The following TMPRSS6 variants were observed in gnomAD, a reference collection of about 807,000 sequenced individuals.
TMPRSS6 encodes the protein transmembrane protease serine 6.
Under a neutral mutation model 101.5 loss-of-function variants are expected in TMPRSS6, and 67 were observed. The observed-to-expected ratio is 0.66, with a 90% CI of 0.54 to 0.81. The LOEUF (loss-of-function observed/expected upper bound fraction) is 0.81, where lower values mean the gene tolerates loss of function less well. Among genes scored for constraint, TMPRSS6 ranks in the 30% least tolerant of loss-of-function variants. The probability of loss-of-function intolerance (pLI) is 0.00; values close to 1 mark genes in which losing one functional copy is unlikely to be tolerated. For synonymous variants in TMPRSS6, 453 were observed against 464.9 expected, an observed-to-expected ratio of 0.97 and a Z score of 0.33; for missense variants, 1,034 against 1,088.7, an observed-to-expected ratio of 0.95 and a Z score of 0.71.
chr22:37,068,035 A>G lies in TMPRSS6; in HGVS notation c.2113+1038T>C, dbSNP rs542364563. Among the ~76,000 whole-genome samples the G allele has an allele frequency of 6.0e-5, 9 of 151,170 alleles. No homozygotes were observed. The East Asian group carries it at 1.4e-3, about 23-fold the overall frequency. ...CATCTTCCAGGCCTCAGCTTAAACA[A>G]CCCTCCCCTGGAAGCCTCCCCTGAC... On this transcript the variant is annotated intron_variant, in intron 16 of 17. Transcript: ENST00000676104.
intron 10 of TMPRSS6, 151 bp from the exon 11 acceptor site, chr22:37,075,431 C>G: frequency 1.9e-6 from 2 of 1,026,902 alleles, no homozygotes; most frequent in Non-Finnish European, 2.8e-6. Flanking sequence ...GATGAGTGCA[C>G]CCCCAGAGTC....
At chr22:37,102,408 T>G (rs1481912714) in intron 2 of TMPRSS6, among the ~76,000 whole-genome samples, 7 of 152,202 alleles carry the variant, frequency 4.6e-5, no homozygotes, top group African/African-American at 1.7e-4. Flanking sequence ...CAGTGTACAG[T>G]GTAGAGGCAC....
rs202025212 is a variant in TMPRSS6 at position 37,066,958 on chromosome 22, G to A, written c.2118C>T (p.Pro706=). The change falls in exon 17 of 18, where the codon CCC becomes CCT. Residue 706 remains proline (P), a synonymous_variant. Coordinates refer to ENST00000676104, the MANE Select transcript of TMPRSS6 (RefSeq NM_001374504.1). ...TGWGALREGG[P]ISNALQKVDV... ...CCACTTTCTGCAGAGCGTTGCTGAT[G>A]GGGCCTGTCCGTGGTCAAGGGCAGA... 4 of 1,614,164 alleles carry A rather than the reference G, an allele frequency of 2.5e-6. No homozygotes were observed. In the African/African-American group the frequency reaches 5.3e-5, roughly 22 times the overall value.
Position 37,073,565 on chromosome 22 carries a change from G to A in TMPRSS6, c.1522C>T (p.Leu508Phe). The A allele has an allele frequency of 1.2e-6, 2 of 1,614,076 alleles. No individual in the cohort carries two copies. Among genetic ancestry groups the A allele is most frequent in the Non-Finnish European group, 1.7e-6 (2 of 1,179,934 alleles). ...CACTGCTCTTCGTCGCTGCCGTTGAGACAATCAGGCTGCCCATCACAGACC... is the reference window on the plus strand; with the variant it reads ...CACTGCTCTTCGTCGCTGCCGTTGAAACAATCAGGCTGCCCATCACAGACC... ...PKVCDGQPDC[L>F]NGSDEEQCQE... The change falls in exon 13 of 18, where the codon CTC (leucine) becomes TTC (phenylalanine). Residue 508 changes from leucine to phenylalanine, a missense_variant. By Grantham distance (22) the Leu-to-Phe change is conservative (BLOSUM62 0). Coordinates refer to ENST00000676104, the MANE Select transcript of TMPRSS6 (RefSeq NM_001374504.1).
At chr22:37,086,170 C>T in intron 8 of TMPRSS6, 113 bp downstream of exon 8, 4 of 1,451,420 alleles carry the variant, frequency 2.8e-6, no homozygotes, top group South Asian at 2.4e-5. Context: ...AGAATCTTCC[C>T]TCTCCCCATC....
chr22:37,075,342 ACAG>A (rs1927541706), intron 10 of TMPRSS6, 62 bp from the exon 11 acceptor site: 7 of 1,605,926 alleles, frequency 4.4e-6, no homozygotes, highest in Admixed American at 1.7e-5. Context: ...CCGTGCACAG[ACAG>A]AGCAAGGACA....
At position 37,089,767 on chromosome 22, in the gene TMPRSS6, C is replaced by A; in HGVS notation, c.647G>T (p.Ser216Ile). The change falls in exon 7 of 18, where the codon AGC (serine) becomes ATC (isoleucine). Residue 216 changes from serine (S) to isoleucine (I), a missense_variant. Ser to Ile is a moderately radical substitution (Grantham distance 142). Transcript: ENST00000676104. ...GAGGACCTGGCCCTGGCCCACGTAG[C>A]TGTAGCGGTAACAACCTGGAGCGGG... ...LNSTLGCYRY[S>I]YVGQGQVLRL... 1.2e-6 allele frequency: 2 copies of A among 1,612,340 alleles called. No individual in the cohort carries two copies. Among genetic ancestry groups the A allele is most frequent in the Non-Finnish European group, 1.7e-6 (2 of 1,179,716 alleles).
intron 8 of TMPRSS6, among the ~76,000 whole-genome samples, chr22:37,086,053 A>G (rs1178282254): frequency 6.9e-6 from 1 of 144,192 alleles, no homozygotes; most frequent in Non-Finnish European, 1.5e-5. Context: ...CCAGGAAGAC[A>G]GAGACTGCGA....
In TMPRSS6 at chr22:37,101,950, C is replaced by T. The variant is rs1930349681; in HGVS notation, c.202+1266G>A. On this transcript the variant is annotated intron_variant, in intron 2 of 17. Transcript: ENST00000676104. The surrounding 1 kb of genome is among the most constrained non-coding windows in gnomAD (Gnocchi z 4.1). ...GGCGTCTACTGCCTGCGTTGCTCAA[C>T]TCTGGGTAGAATCACTATAAGTCAT... Among the ~76,000 whole-genome samples the T allele has an allele frequency of 6.6e-6, 1 of 152,206 alleles. No individual in the cohort carries two copies. The highest frequency in any genetic ancestry group is 1.5e-5 in the Non-Finnish European group (1 of 68,026).
intron 13 of TMPRSS6, among the ~76,000 whole-genome samples, chr22:37,071,998 TG>T (rs1926971774): frequency 6.8e-6 from 1 of 147,656 alleles, no homozygotes; most frequent in South Asian, 2.2e-4. Context: ...GGATGATGGA[TG>T]GGTGCATGGA....
upstream of TMPRSS6, among the ~76,000 whole-genome samples, chr22:37,110,039 C>T (rs1450292198): frequency 1.3e-5 from 2 of 151,662 alleles, no homozygotes; most frequent in African/African-American, 4.8e-5. Context: ...AGGCTGGGCC[C>T]ATATACTCTG....
At chr22:37,089,544 G>GGCCCACCA in intron 7 of TMPRSS6, 34 bp downstream of exon 7, 2 of 1,348,856 alleles carry the variant, frequency 1.5e-6, no homozygotes, top group Non-Finnish European at 1.0e-6. Flanking sequence ...CCCTTTTCCA[G>GGCCCACCA]CCCTCCCTCC....
At chr22:37,074,189 A>G (rs1034030235) in intron 12 of TMPRSS6, among the ~76,000 whole-genome samples, 1 of 152,220 alleles carries the variant, frequency 6.6e-6, no homozygotes, top group Non-Finnish European at 1.5e-5. Flanking sequence ...GTTTCTGAAT[A>G]TGAGGTACCT....
chr22:37,083,174 G>A (rs1348885993), intron 10 of TMPRSS6: 3 of 434,880 alleles, frequency 6.9e-6, no homozygotes, highest in South Asian at 3.5e-5. Flanking sequence ...GGAGGGCAGA[G>A]GCCCAACCTG....
intron 6 of TMPRSS6, 98 bp downstream of exon 6, chr22:37,095,453 A>G: frequency 6.7e-6 from 10 of 1,488,852 alleles, no homozygotes; most frequent in Non-Finnish European, 9.3e-6. Context: ...GGCTCCCTGC[A>G]CACACAACAG....
intron 6 of TMPRSS6, among the ~76,000 whole-genome samples, chr22:37,094,461 A>G (rs1929570205): frequency 6.6e-6 from 1 of 152,074 alleles, no homozygotes; most frequent in African/African-American, 2.4e-5. Context: ...AGACAGACAG[A>G]GACAGAGAGA....
At chr22:37,079,647 C>T (rs1159923167) in intron 10 of TMPRSS6, among the ~76,000 whole-genome samples, 1 of 152,216 alleles carries the variant, frequency 6.6e-6, no homozygotes, top group Non-Finnish European at 1.5e-5. Context: ...GGCTTTGCCC[C>T]AGGAACAAGC....
upstream of TMPRSS6, among the ~76,000 whole-genome samples, chr22:37,109,782 G>T (rs373880200): frequency 7.0e-6 from 1 of 143,742 alleles, no homozygotes; most frequent in Admixed American, 6.9e-5. Context: ...CCCCACCCCC[G>T]CATGGGCACC....
chr22:37,079,194 G>A (rs577542839), intron 10 of TMPRSS6, among the ~76,000 whole-genome samples: 2 of 152,274 alleles, frequency 1.3e-5, no homozygotes, highest in East Asian at 1.9e-4. Flanking sequence ...TCCAACAAGT[G>A]CTCCCCTCTA....
Sources: gnomAD v4.1 joint callset for allele counts (sites outside exome capture counted in the v4.1 genomes callset) on GRCh38, gnomAD v4.1.1 for gene constraint, Gnocchi (gnomAD v3.1) non-coding constraint, MANE v1.5 for transcripts, NCBI Gene and HGNC (gene_info 2026-07-23, HGNC 2026-07-21) for gene names.